The following CALCR variants were observed in gnomAD, a reference collection of about 807,000 sequenced individuals.
CALCR encodes the protein calcitonin receptor.
In CALCR, 47 loss-of-function variants were observed where a neutral mutation model predicts 59.5. That is an observed-to-expected ratio of 0.79 (90% CI 0.63 to 1.01). The LOEUF is 1.01. Ranked by LOEUF, CALCR falls within the 50% of genes least tolerant of loss-of-function variation. The pLI is 0.00. For missense variants in CALCR, 566 were observed against 597.1 expected, an observed-to-expected ratio of 0.95 and a Z score of 0.54; for synonymous variants, 213 against 211.3, an observed-to-expected ratio of 1.01 and a Z score of -0.07.
At chr7:93,458,207 C>T (rs902397850) in intron 8 of CALCR, among the ~76,000 whole-genome samples, 2 of 152,032 alleles carry the variant, frequency 1.3e-5, no homozygotes, top group African/African-American at 2.4e-5. Context: ...TATATTCATA[C>T]CACAAAAATT....
chr7:93,566,406 CTGAGT>C (rs1222409453), intron 2 of CALCR, among the ~76,000 whole-genome samples: 1 of 152,062 alleles, frequency 6.6e-6, no homozygotes, highest in Non-Finnish European at 1.5e-5. Context: ...AGTTGGAGAG[CTGAGT>C]TTAAAGCCTA....
chr7:93,436,104 C>A lies in CALCR; in HGVS notation c.997G>T (p.Ala333Ser). 1 of 1,614,148 alleles carries A rather than the reference C, an allele frequency of 6.2e-7. No individual in the cohort carries two copies. The highest frequency in any genetic ancestry group is 1.3e-5 in the African/African-American group (1 of 75,044). ...GCCTTCAGGTACATGTGGGATTCCGCCTCATGGGTTTCCCTCATTTTGGTC... is the reference window on the plus strand; with the variant it reads ...GCCTTCAGGTACATGTGGGATTCCGACTCATGGGTTTCCCTCATTTTGGTC... The part of the protein sequence containing the change: ...LVTKMRETHE[A>S]ESHMYLKAVK... Residue 333 changes from alanine to serine, a missense_variant, in exon 12 of 14, where the codon GCG becomes TCG. Ala to Ser is a moderately conservative substitution (Grantham distance 99). Transcript: ENST00000426151.
chr7:93,467,266 A>C (rs1388298467), intron 7 of CALCR, among the ~76,000 whole-genome samples: 1 of 151,686 alleles, frequency 6.6e-6, no homozygotes, highest in Non-Finnish European at 1.5e-5. Context: ...TTAATACTTC[A>C]TGTCTTTTTG....
At chr7:93,464,018 A>T (rs995485066) in intron 7 of CALCR, among the ~76,000 whole-genome samples, 1 of 152,064 alleles carries the variant, frequency 6.6e-6, no homozygotes, top group African/African-American at 2.4e-5. Context: ...AATGTGAGAA[A>T]GAGATAATGA....
chr7:93,482,167 G>T (rs890461501), intron 3 of CALCR, among the ~76,000 whole-genome samples: 1 of 151,734 alleles, frequency 6.6e-6, no homozygotes, highest in South Asian at 2.1e-4. Context: ...CCATGTTGAG[G>T]TTTCTTTTTT....
At chr7:93,446,021 C>T (rs558342233) in intron 8 of CALCR, among the ~76,000 whole-genome samples, 1 of 152,154 alleles carries the variant, frequency 6.6e-6, no homozygotes, top group South Asian at 2.1e-4. Flanking sequence ...AGCTGTACAT[C>T]AGGTGGCTCC....
In CALCR at chr7:93,483,878, A is replaced by G. The variant is rs1413617242; in HGVS notation, c.51+3053T>C. The G allele has an allele frequency of 2.7e-5, 12 of 440,598 alleles. 1 individual carries two copies. In the East Asian group the frequency reaches 7.4e-4, roughly 27 times the overall value. The allele number at this position is 440,598 out of a possible 1,614,324, so 27.3% of individuals were successfully genotyped here. Reference sequence around the variant, plus strand: ...TCAGTTTTCAAAGCTTTGCATATAAACCATCTTACATGATTTTTCAACATA... The same window carrying G: ...TCAGTTTTCAAAGCTTTGCATATAAGCCATCTTACATGATTTTTCAACATA... On this transcript the variant is annotated intron_variant, in intron 3 of 13. Coordinates refer to ENST00000426151, the MANE Select transcript of CALCR (RefSeq NM_001742.4).
intron 2 of CALCR, among the ~76,000 whole-genome samples, chr7:93,494,955 A>C (rs769385421): frequency 2.0e-5 from 3 of 151,468 alleles, no homozygotes; most frequent in Non-Finnish European, 4.4e-5. Flanking sequence ...AGATGATTAA[A>C]AGACAGAATG....
chr7:93,490,172 A>G (rs141172694), intron 2 of CALCR, among the ~76,000 whole-genome samples: 3,494 of 152,128 alleles, frequency 0.023, 119 homozygotes, highest in African/African-American at 0.079. Context: ...TGATTATCTC[A>G]ATAGATGCAG....
chr7:93,524,435 G>T (rs939055077), intron 2 of CALCR, among the ~76,000 whole-genome samples: 1 of 152,046 alleles, frequency 6.6e-6, no homozygotes, highest in South Asian at 2.1e-4. Context: ...CTCCCAAAGT[G>T]CTGGGATTAC....
chr7:93,517,317 A>ATCTTTTTTTTT (rs1554404282), intron 2 of CALCR, among the ~76,000 whole-genome samples: 32 of 127,706 alleles, frequency 2.5e-4, no homozygotes, highest in African/African-American at 9.5e-4. Context: ...TTTTTTTTTA[A>ATCTTTTTTTTT]TTTGCTAGCC....
At chr7:93,517,371 C>T (rs1801672908) in intron 2 of CALCR, among the ~76,000 whole-genome samples, 1 of 147,988 alleles carries the variant, frequency 6.8e-6, no homozygotes, top group Non-Finnish European at 1.5e-5. Flanking sequence ...GACAGATTTC[C>T]ACCCTATAAA....
chr7:93,495,874 A>C (rs950106716), intron 2 of CALCR: 8 of 1,527,160 alleles, frequency 5.2e-6, no homozygotes, highest in Non-Finnish European at 7.0e-6. Flanking sequence ...CCGAATCTAT[A>C]CTGGTTTGTA....
At chr7:93,428,434 T>G (rs184657918) in intron 13 of CALCR, among the ~76,000 whole-genome samples, 1 of 152,286 alleles carries the variant, frequency 6.6e-6, no homozygotes, top group African/African-American at 2.4e-5. Flanking sequence ...CTAGGAACCA[T>G]CAAATGCCCC....
chr7:93,571,298 C>A (rs949328472), intron 2 of CALCR, among the ~76,000 whole-genome samples: 11 of 152,086 alleles, frequency 7.2e-5, no homozygotes, highest in Non-Finnish European at 1.5e-4. Context: ...CTAGACACGA[C>A]ATCCTTGAGG....
At chr7:93,429,942 GTT>G (rs372794402) in intron 13 of CALCR, among the ~76,000 whole-genome samples, 1 of 92,516 alleles carries the variant, frequency 1.1e-5, no homozygotes, top group South Asian at 2.9e-4. Flanking sequence ...TTGTTTTTTT[GTT>G]TTTTTTTGAG....
At chr7:93,534,407 C>T (rs10488551) in intron 2 of CALCR, among the ~76,000 whole-genome samples, 42,751 of 151,578 alleles carry the variant, frequency 0.28, 7,174 homozygotes, top group South Asian at 0.38. Flanking sequence ...GTACACAATG[C>T]TGCCTCTTAA....
At chr7:93,490,875 T>C (rs1301205449) in intron 2 of CALCR, among the ~76,000 whole-genome samples, 1 of 151,714 alleles carries the variant, frequency 6.6e-6, no homozygotes, top group African/African-American at 2.4e-5. Flanking sequence ...CAAACTACCA[T>C]TGACATTTTT....
At position 93,513,030 on chromosome 7, in the gene CALCR, A is replaced by C. The variant is rs1471179642; in HGVS notation, c.-26-26023T>G. On this transcript the variant is annotated intron_variant, in intron 2 of 13. Coordinates refer to ENST00000426151, the MANE Select transcript of CALCR (RefSeq NM_001742.4). Reference sequence around the variant, plus strand: ...CCCATGAAGGCTAGGAATAACTATTAACATTCTCCTAATACATGTCCATTG... The same window carrying C: ...CCCATGAAGGCTAGGAATAACTATTCACATTCTCCTAATACATGTCCATTG... 4.6e-5 allele frequency among the ~76,000 whole-genome samples: 7 copies of C among 152,302 alleles called. No individual in the cohort carries two copies. The East Asian group carries it at 1.4e-3, about 29-fold the overall frequency.
Sources: gnomAD v4.1 joint callset for allele counts (sites outside exome capture counted in the v4.1 genomes callset) on GRCh38, gnomAD v4.1.1 for gene constraint, MANE v1.5 for transcripts, NCBI Gene and HGNC (gene_info 2026-07-23, HGNC 2026-07-21) for gene names.